The following AFF3 variants were observed in gnomAD, a reference collection of about 807,000 sequenced individuals.
AFF3 encodes AF4/FMR2 family member 3.
Under a neutral mutation model 129.7 loss-of-function variants are expected in AFF3, and 32 were observed. The observed-to-expected ratio is 0.25, with a 90% CI of 0.19 to 0.33. AFF3 has a LOEUF of 0.33. AFF3 is among the 10% of genes least tolerant of loss of function. The pLI, the probability that AFF3 is intolerant of heterozygous loss-of-function variation, is 1.00. For synonymous variants in AFF3, 644 were observed against 635.4 expected, an observed-to-expected ratio of 1.01 and a Z score of -0.20; for missense variants, 1,373 against 1,592.0, an observed-to-expected ratio of 0.86 and a Z score of 2.34.
chr2:99,942,098 C>G (rs1022719626), intron 7 of AFF3, among the ~76,000 whole-genome samples: 1 of 152,188 alleles, frequency 6.6e-6, no homozygotes, highest in African/African-American at 2.4e-5. Context: ...TCATCCCTTT[C>G]TCTAGTGAAT....
intron 8 of AFF3, among the ~76,000 whole-genome samples, chr2:99,776,813 T>G (rs1683937517): frequency 2.0e-5 from 3 of 152,110 alleles, no homozygotes; most frequent in Admixed American, 2.0e-4. Flanking sequence ...CAGCCAAAAT[T>G]TGTAAGGGCT....
Position 99,968,409 on chromosome 2 carries a change from T to C in AFF3, c.873+38223A>G, listed in dbSNP as rs546205097. Among the ~76,000 whole-genome samples, 8 of 152,308 alleles carry C rather than the reference T, an allele frequency of 5.3e-5. No homozygotes were observed. The South Asian group carries it at 6.2e-4, about 12-fold the overall frequency. ...CCCAAACCATAAGCATCTACAGAGTTAAGGATGCCTACTCTGTCTGTCACA... is the reference window on the plus strand; with the variant it reads ...CCCAAACCATAAGCATCTACAGAGTCAAGGATGCCTACTCTGTCTGTCACA... On this transcript the variant is annotated intron_variant, in intron 7 of 24. Coordinates refer to ENST00000672756, the MANE Select transcript of AFF3 (RefSeq NM_001386135.1).
Position 100,116,438 on chromosome 2 carries a change from C to T in AFF3, c.-144-10855G>A, listed in dbSNP as rs536320288. Among the ~76,000 whole-genome samples the T allele has an allele frequency of 6.6e-5, 10 of 152,048 alleles. No individual in the cohort carries two copies. In the South Asian group the frequency reaches 2.1e-3, roughly 32 times the overall value. On this transcript the variant is annotated intron_variant, in intron 2 of 24. Coordinates refer to ENST00000672756, the MANE Select transcript of AFF3 (RefSeq NM_001386135.1). ...TTCCTTTGTCTATTTTTGTGCTGTC[C>T]TCATTTGGATTATTTGAGTATACTT...
In AFF3 at chr2:100,011,071, G is replaced by A. The variant is rs1053832994; in HGVS notation, c.54-2139C>T. 3.3e-5 allele frequency among the ~76,000 whole-genome samples: 5 copies of A among 152,164 alleles called. No individual in the cohort carries two copies. The East Asian group carries it at 5.8e-4, about 18-fold the overall frequency. ...GGGTGGATCACGAGGTCAGGAGATC[G>A]AGGCCATCCTGGCTAACACGGTGAA... On this transcript the variant is annotated intron_variant, in intron 4 of 24. Coordinates refer to ENST00000672756, the MANE Select transcript of AFF3 (RefSeq NM_001386135.1).
At chr2:100,033,395 T>C (rs1330729212) in intron 4 of AFF3, among the ~76,000 whole-genome samples, 3 of 152,252 alleles carry the variant, frequency 2.0e-5, no homozygotes, top group South Asian at 2.1e-4. Context: ...TATGCACACA[T>C]ACACTCATAA....
At chr2:99,983,805 G>A (rs1159632517) in intron 7 of AFF3, among the ~76,000 whole-genome samples, 1 of 152,142 alleles carries the variant, frequency 6.6e-6, no homozygotes, top group Non-Finnish European at 1.5e-5. Context: ...GCAGTTTTCA[G>A]AAGGTTTAGA....
intron 9 of AFF3, among the ~76,000 whole-genome samples, chr2:99,744,381 G>A (rs1680963971): frequency 6.6e-6 from 1 of 152,110 alleles, no homozygotes; most frequent in Admixed American, 6.5e-5. Flanking sequence ...TTATTGAGGT[G>A]AAGTTCACAT....
chr2:99,828,339 T>C (rs1688258374), intron 8 of AFF3, among the ~76,000 whole-genome samples: 1 of 152,194 alleles, frequency 6.6e-6, no homozygotes, highest in Non-Finnish European at 1.5e-5. Context: ...GTTACTGTGA[T>C]CCTGCCCTGG....
At chr2:99,866,640 T>C (rs936929588) in intron 7 of AFF3, among the ~76,000 whole-genome samples, 5 of 152,100 alleles carry the variant, frequency 3.3e-5, no homozygotes, top group Non-Finnish European at 5.9e-5. Context: ...TGGGTCACGC[T>C]GGGTCATGGC....
At chr2:99,733,426 T>C (rs1458487974) in intron 10 of AFF3, among the ~76,000 whole-genome samples, 2 of 151,548 alleles carry the variant, frequency 1.3e-5, no homozygotes, top group Non-Finnish European at 2.9e-5. Context: ...ACAAAACTTT[T>C]CCCAGTGTTA....
intron 7 of AFF3, among the ~76,000 whole-genome samples, chr2:99,976,445 C>G (rs183514620): frequency 6.6e-6 from 1 of 152,214 alleles, no homozygotes; most frequent in East Asian, 1.9e-4. Flanking sequence ...GAAAAAGGTT[C>G]GTAGCATTTA....
chr2:100,068,014 T>C (rs1273471972), intron 4 of AFF3, among the ~76,000 whole-genome samples: 1 of 152,172 alleles, frequency 6.6e-6, no homozygotes, highest in African/African-American at 2.4e-5. Context: ...AGAAAAAATA[T>C]GTTTGCTTTT....
intron 11 of AFF3, among the ~76,000 whole-genome samples, chr2:99,700,983 CCGGGGAACACTCCACACTCATA>C (rs1676796981): frequency 6.6e-6 from 1 of 152,176 alleles, no homozygotes; most frequent in South Asian, 2.1e-4. Context: ...TCGTAAATTC[CCGGGGAACACTCCACACTCATA>C]CTGAAAGGGA....
chr2:99,754,975 T>C (rs1236746192), intron 8 of AFF3, among the ~76,000 whole-genome samples: 2 of 152,228 alleles, frequency 1.3e-5, no homozygotes, highest in East Asian at 1.9e-4. Flanking sequence ...ATTCCAGCTA[T>C]GCTTGTAATC....
chr2:100,020,079 T>C (rs1016372934), intron 4 of AFF3, among the ~76,000 whole-genome samples: 1 of 152,200 alleles, frequency 6.6e-6, no homozygotes, highest in Non-Finnish European at 1.5e-5. Context: ...AAGCTGTCTA[T>C]ACTTGCTGTC....
intron 11 of AFF3, among the ~76,000 whole-genome samples, chr2:99,698,335 T>C (rs566685874): frequency 6.6e-6 from 1 of 152,220 alleles, no homozygotes; most frequent in South Asian, 2.1e-4. Flanking sequence ...GAGTGCTGAC[T>C]GGCCAAGAGT....
intron 7 of AFF3, among the ~76,000 whole-genome samples, chr2:99,922,452 A>T (rs1695924914): frequency 6.6e-6 from 1 of 152,228 alleles, no homozygotes; most frequent in African/African-American, 2.4e-5. Flanking sequence ...ACTGTGCTGG[A>T]TAAAAAGAAG....
chr2:99,973,457 C>T (rs372509928), intron 7 of AFF3, among the ~76,000 whole-genome samples: 3 of 152,214 alleles, frequency 2.0e-5, no homozygotes, highest in East Asian at 1.9e-4. Flanking sequence ...GAGTATTTCC[C>T]GAACATTTTT....
chr2:99,998,500 GAGGGCCTGTCTATACCTTTTGTC>G (rs1158424660), intron 7 of AFF3, among the ~76,000 whole-genome samples: 1 of 152,184 alleles, frequency 6.6e-6, no homozygotes, highest in African/African-American at 2.4e-5. Flanking sequence ...GAGGTGGGCA[GAGGGCCTGTCTATACCTTTTGTC>G]AGGGCTTATA....
Sources: gnomAD v4.1 joint callset for allele counts (sites outside exome capture counted in the v4.1 genomes callset) on GRCh38, gnomAD v4.1.1 for gene constraint, MANE v1.5 for transcripts, NCBI Gene and HGNC (gene_info 2026-07-23, HGNC 2026-07-21) for gene names.